Variants in CPNE4 observed in about 807,000 individuals in gnomAD.
The protein encoded by CPNE4 is copine-4.
Under a neutral mutation model 67.9 loss-of-function variants are expected in CPNE4, and 25 were observed. That is an observed-to-expected ratio of 0.37 (90% CI 0.27 to 0.51). The LOEUF (loss-of-function observed/expected upper bound fraction) is 0.51. CPNE4 is among the 20% of genes least tolerant of loss of function. The pLI, the probability that CPNE4 is intolerant of heterozygous loss-of-function variation, is 0.93. For synonymous variants in CPNE4, 242 were observed against 244.9 expected (o/e 0.99, Z 0.11); for missense variants, 464 against 690.8 (o/e 0.67, Z 3.68).
chr3:131,800,486 A>T (rs1183974624), intron 2 of CPNE4, among the ~76,000 whole-genome samples: 1 of 152,190 alleles, frequency 6.6e-6, no homozygotes, highest in Non-Finnish European at 1.5e-5. Flanking sequence ...TGGCCATCTG[A>T]GCCATTGGAT....
intron 2 of CPNE4, among the ~76,000 whole-genome samples, chr3:131,874,762 T>A (rs558247032): frequency 1.1e-4 from 16 of 152,268 alleles, no homozygotes; most frequent in Non-Finnish European, 2.2e-4. Context: ...GGTAAAAAAA[T>A]GAAATTTAAA....
At chr3:131,880,065 A>G (rs1046037219) in intron 2 of CPNE4, among the ~76,000 whole-genome samples, 1 of 152,066 alleles carries the variant, frequency 6.6e-6, no homozygotes, top group Non-Finnish European at 1.5e-5. Context: ...GACAGGGATC[A>G]TAACTGTTCA....
intron 6 of CPNE4, among the ~76,000 whole-genome samples, chr3:131,670,026 T>G (rs1566693): frequency 0.41 from 62,161 of 152,048 alleles, 14,616 homozygotes; most frequent in Middle Eastern, 0.53. Context: ...ATGTGGATGC[T>G]GAGAATGATC....
intron 1 of CPNE4, among the ~76,000 whole-genome samples, chr3:131,971,559 T>C (rs1009224666): frequency 1.1e-4 from 17 of 152,242 alleles, no homozygotes; most frequent in African/African-American, 4.1e-4. Flanking sequence ...GCCTTCCTTT[T>C]TGCCCCAGAG....
intron 7 of CPNE4, among the ~76,000 whole-genome samples, chr3:131,661,512 A>C (rs2080123800): frequency 6.6e-6 from 1 of 152,196 alleles, no homozygotes; most frequent in South Asian, 2.1e-4. Context: ...ATTTCAGTAG[A>C]GGCAGCCTGC....
chr3:131,717,217 A>G (rs969086478), intron 3 of CPNE4, among the ~76,000 whole-genome samples: 2 of 151,220 alleles, frequency 1.3e-5, no homozygotes, highest in Non-Finnish European at 2.9e-5. Flanking sequence ...ATATTACTCC[A>G]TGTAAAAAAC....
intron 2 of CPNE4, among the ~76,000 whole-genome samples, chr3:131,847,437 T>G (rs1039105594): frequency 6.6e-6 from 1 of 152,188 alleles, no homozygotes; most frequent in Non-Finnish European, 1.5e-5. Flanking sequence ...CATATATGAT[T>G]AAGCATAAAT....
At chr3:131,540,299 A>G (rs1385363004) in intron 15 of CPNE4, among the ~76,000 whole-genome samples, 1 of 152,202 alleles carries the variant, frequency 6.6e-6, no homozygotes, top group East Asian at 1.9e-4. Context: ...TACAGTTATG[A>G]ACAATACCTC....
intron 1 of CPNE4, among the ~76,000 whole-genome samples, chr3:131,936,964 C>CA (rs780735987): frequency 2.5e-4 from 36 of 142,116 alleles, no homozygotes; most frequent in East Asian, 4.1e-4. Context: ...ATGAGAAAAG[C>CA]AAAAAAAAAG....
intron 2 of CPNE4, 69 bp downstream of exon 2, chr3:131,905,195 T>C (rs541975436): frequency 3.6e-6 from 5 of 1,373,078 alleles, no homozygotes; most frequent in South Asian, 1.4e-5. Context: ...CCTGAAGATA[T>C]AAAATATCAA....
chr3:131,650,326 G>A (rs1582955989), intron 7 of CPNE4, among the ~76,000 whole-genome samples: 1 of 152,162 alleles, frequency 6.6e-6, no homozygotes. Flanking sequence ...CTCAAGGAGA[G>A]GGAATTACAC....
chr3:131,602,018 G>A (rs1939235555), intron 7 of CPNE4, among the ~76,000 whole-genome samples: 1 of 152,118 alleles, frequency 6.6e-6, no homozygotes, highest in South Asian at 2.1e-4. Context: ...AAGTTTTTAT[G>A]TCTAAGAATT....
At chr3:131,852,318 C>T (rs2086271978) in intron 2 of CPNE4, among the ~76,000 whole-genome samples, 1 of 151,802 alleles carries the variant, frequency 6.6e-6, no homozygotes, top group Non-Finnish European at 1.5e-5. Flanking sequence ...AAGGATAATA[C>T]ATTATAGGTA....
At chr3:131,544,221 T>TTACC (rs758046743) in intron 14 of CPNE4, among the ~76,000 whole-genome samples, 1 of 152,240 alleles carries the variant, frequency 6.6e-6, no homozygotes, top group Non-Finnish European at 1.5e-5. Flanking sequence ...CCATTCCACG[T>TTACC]TACCATACTT....
chr3:131,776,722 G>A (rs114292865), intron 2 of CPNE4, among the ~76,000 whole-genome samples: 1,676 of 152,188 alleles, frequency 0.011, 26 homozygotes, highest in African/African-American at 0.038. Context: ...CAAAAATGGG[G>A]CTGCCTCGCC....
In CPNE4 at chr3:131,799,983, A is replaced by G. The variant is rs570569266; in HGVS notation, c.181-76358T>C. On this transcript the variant is annotated intron_variant, in intron 2 of 15. Coordinates refer to ENST00000429747, the MANE Select transcript of CPNE4 (RefSeq NM_130808.3). ...TTTCATACATCTCTTTCTCCCACAA[A>G]CCTTTTCTTTTTCTTTTTAATTTTA... 3.3e-5 allele frequency among the ~76,000 whole-genome samples: 5 copies of G among 149,900 alleles called. No individual in the cohort carries two copies. The South Asian group carries it at 1.1e-3, about 32-fold the overall frequency.
chr3:131,583,280 G>A (rs1467233931), intron 8 of CPNE4, among the ~76,000 whole-genome samples: 1 of 152,082 alleles, frequency 6.6e-6, no homozygotes, highest in Non-Finnish European at 1.5e-5. Context: ...CAAGTGGGTA[G>A]AACTTGATAA....
intron 1 of CPNE4, among the ~76,000 whole-genome samples, chr3:131,972,566 A>C (rs907427743): frequency 9.2e-5 from 14 of 152,196 alleles, no homozygotes; most frequent in African/African-American, 3.4e-4. Context: ...GGTGCCCCTC[A>C]CATCCGAGAA....
rs186666306 is a variant in CPNE4, at chr3:131,537,068, T to C, written c.1540-1739A>G. The stretch of plus-strand genomic sequence containing the variant: ...TTCAACAATACAAGAGTTTAACAGA[T>C]TCTGGACTCAGGGCTACACATGCAA... On this transcript the variant is annotated intron_variant, in intron 15 of 15. Coordinates refer to ENST00000429747, the MANE Select transcript of CPNE4 (RefSeq NM_130808.3). 2.6e-5 allele frequency among the ~76,000 whole-genome samples: 4 copies of C among 152,244 alleles called. No homozygotes were observed. The East Asian group carries it at 5.8e-4, about 22-fold the overall frequency.
Sources: gnomAD v4.1 joint callset for allele counts (sites outside exome capture counted in the v4.1 genomes callset) on GRCh38, gnomAD v4.1.1 for gene constraint, MANE v1.5 for transcripts, NCBI Gene and HGNC (gene_info 2026-07-23, HGNC 2026-07-21) for gene names.